The following PDE3A variants were observed in gnomAD, a reference collection of about 807,000 sequenced individuals.
PDE3A encodes cGMP-inhibited 3',5'-cyclic phosphodiesterase 3A.
Under a neutral mutation model 98.3 loss-of-function variants are expected in PDE3A, and 43 were observed. That is an observed-to-expected ratio of 0.44 (90% CI 0.34 to 0.56). PDE3A has a LOEUF of 0.56. Ranked by LOEUF, PDE3A falls within the 20% of genes least tolerant of loss-of-function variation. PDE3A has a pLI of 0.01. For missense variants in PDE3A, 1,427 were observed against 1,440.7 expected (o/e 0.99, Z 0.15); for synonymous variants, 663 against 567.9 (o/e 1.17, Z -2.38).
Position 20,369,474 on chromosome 12 carries a change from G to A in PDE3A, c.190G>A (p.Ala64Thr). ...CCGGAGCTCTCGGAAACTTTCCTCCGCGCTGTGCGCGGGCTCCCTGTCCTT... is the reference window on the plus strand; with the variant it reads ...CCGGAGCTCTCGGAAACTTTCCTCCACGCTGTGCGCGGGCTCCCTGTCCTT... ...PLRSSRKLSS[A>T]LCAGSLSFLL... Residue 64 changes from alanine to threonine, a missense_variant, in exon 1 of 16, where the codon GCG (alanine) becomes ACG (threonine). Physicochemically the swap from Ala to Thr is moderately conservative, Grantham distance 58 (BLOSUM62 0). Around this residue, in one of 3 missense-constraint regions of PDE3A, gnomAD observed 1,012 missense variants for 886.5 expected, o/e 1.14. Transcript: ENST00000359062. The A allele has an allele frequency of 6.4e-7, 1 of 1,555,942 alleles. No individual in the cohort carries two copies. The highest frequency in any genetic ancestry group is 8.7e-7 in the Non-Finnish European group (1 of 1,150,494).
chr12:20,585,737 C>T (rs907997409), intron 2 of PDE3A, among the ~76,000 whole-genome samples: 4 of 152,132 alleles, frequency 2.6e-5, no homozygotes, highest in Non-Finnish European at 4.4e-5. Context: ...CTTAAGTTAT[C>T]TTTTGAGTGC....
intron 14 of PDE3A, among the ~76,000 whole-genome samples, chr12:20,650,978 C>T (rs1944902194): frequency 6.6e-6 from 1 of 151,996 alleles, no homozygotes; most frequent in African/African-American, 2.4e-5. Context: ...ATGCATATCA[C>T]ATTAATTTCA....
At chr12:20,625,781 G>A (rs150635736) in intron 5 of PDE3A, among the ~76,000 whole-genome samples, 5 of 151,992 alleles carry the variant, frequency 3.3e-5, no homozygotes, top group Non-Finnish European at 7.4e-5. Context: ...GGAATTAAAG[G>A]CCGAATTACT....
At chr12:20,429,113 A>G (rs1245395160) in intron 1 of PDE3A, among the ~76,000 whole-genome samples, 1 of 152,224 alleles carries the variant, frequency 6.6e-6, no homozygotes, top group African/African-American at 2.4e-5. Context: ...AAAAATGCAT[A>G]AAACAGAACT....
chr12:20,433,209 G>T (rs752710748), intron 1 of PDE3A, among the ~76,000 whole-genome samples: 3 of 152,090 alleles, frequency 2.0e-5, no homozygotes, highest in Non-Finnish European at 4.4e-5. Context: ...CCAAACTTTG[G>T]TGGGACACAG....
intron 10 of PDE3A, among the ~76,000 whole-genome samples, chr12:20,644,534 G>A (rs1944725281): frequency 6.6e-6 from 1 of 152,040 alleles, no homozygotes; most frequent in African/African-American, 2.4e-5. Flanking sequence ...TATAGCAGAG[G>A]TAAAAGCACA....
At chr12:20,649,020 G>T in intron 13 of PDE3A, 129 bp downstream of exon 13, 1 of 617,540 alleles carries the variant, frequency 1.6e-6, no homozygotes, top group Non-Finnish European at 2.8e-6. Flanking sequence ...CTGCCTCCTG[G>T]GTTCAAGTGA....
At chr12:20,381,301 A>G (rs947386813) in intron 1 of PDE3A, among the ~76,000 whole-genome samples, 8 of 151,900 alleles carry the variant, frequency 5.3e-5, no homozygotes, top group African/African-American at 1.9e-4. Context: ...AGTGGCATTC[A>G]GATATGAAAA....
intron 1 of PDE3A, among the ~76,000 whole-genome samples, chr12:20,509,656 A>G (rs1276138767): frequency 6.6e-6 from 1 of 152,098 alleles, no homozygotes; most frequent in Non-Finnish European, 1.5e-5. Context: ...TAGCTCTGAA[A>G]TTATTGTAGC....
chr12:20,440,670 G>A (rs1179938114), intron 1 of PDE3A, among the ~76,000 whole-genome samples: 1 of 152,142 alleles, frequency 6.6e-6, no homozygotes, highest in Non-Finnish European at 1.5e-5. Context: ...GGTGGAGTCT[G>A]AGGAAAAATA....
chr12:20,665,960 T>TTC (rs1945299399), intron 15 of PDE3A, among the ~76,000 whole-genome samples: 1 of 84,386 alleles, frequency 1.2e-5, no homozygotes, highest in Admixed American at 1.1e-4. Flanking sequence ...TTGTCATTTC[T>TTC]TTTTTTTTTT....
intron 1 of PDE3A, among the ~76,000 whole-genome samples, chr12:20,547,494 C>T (rs949775296): frequency 2.6e-5 from 4 of 152,096 alleles, no homozygotes; most frequent in African/African-American, 9.7e-5. Context: ...ACCTTTACAT[C>T]CTTATATGTA....
At chr12:20,439,976 T>A (rs79325430) in intron 1 of PDE3A, among the ~76,000 whole-genome samples, 1 of 152,192 alleles carries the variant, frequency 6.6e-6, no homozygotes, top group Non-Finnish European at 1.5e-5. Context: ...AATATCTAAG[T>A]TGATATCAAC....
At chr12:20,641,286 C>T (rs1944643224) in intron 10 of PDE3A, among the ~76,000 whole-genome samples, 1 of 151,924 alleles carries the variant, frequency 6.6e-6, no homozygotes, top group Non-Finnish European at 1.5e-5. Context: ...TACCAGGGCC[C>T]CTGGGAACAT....
chr12:20,559,670 CAA>C (rs147667067), intron 2 of PDE3A, among the ~76,000 whole-genome samples: 2 of 137,696 alleles, frequency 1.5e-5, no homozygotes, highest in Non-Finnish European at 1.6e-5. Flanking sequence ...GACCCCATAT[CAA>C]AAAAAAAAAG....
intron 1 of PDE3A, among the ~76,000 whole-genome samples, chr12:20,462,091 A>T (rs2120929933): frequency 6.6e-6 from 1 of 152,286 alleles, no homozygotes; most frequent in African/African-American, 2.4e-5. Flanking sequence ...TCTCACATAT[A>T]ACTTTTAATT....
chr12:20,570,643 A>T (rs1183002853), intron 2 of PDE3A, among the ~76,000 whole-genome samples: 1 of 152,142 alleles, frequency 6.6e-6, no homozygotes, highest in Non-Finnish European at 1.5e-5. Context: ...TGTCTGTTAG[A>T]GTAGATGAGC....
intron 1 of PDE3A, among the ~76,000 whole-genome samples, chr12:20,396,607 A>G (rs1944023042): frequency 6.6e-6 from 1 of 152,168 alleles, no homozygotes; most frequent in Non-Finnish European, 1.5e-5. Flanking sequence ...CAAAATATGC[A>G]TAGAGTTGAA....
chr12:20,481,169 T>C (rs1945617381), intron 1 of PDE3A, among the ~76,000 whole-genome samples: 1 of 152,212 alleles, frequency 6.6e-6, no homozygotes, highest in Non-Finnish European at 1.5e-5. Context: ...ACAGCATATA[T>C]GTTAACTGAG....
Sources: gnomAD v4.1 joint callset for allele counts (sites outside exome capture counted in the v4.1 genomes callset) on GRCh38, gnomAD v4.1.1 for gene constraint, gnomAD v4.1.1 regional missense constraint, MANE v1.5 for transcripts, NCBI Gene and HGNC (gene_info 2026-07-23, HGNC 2026-07-21) for gene names.